The following PVALB variants were observed in gnomAD, a reference collection of about 807,000 sequenced individuals.
PVALB encodes the protein parvalbumin alpha.
Under a neutral mutation model 10.9 loss-of-function variants are expected in PVALB, and 11 were observed. The ratio of observed to expected loss-of-function variants is 1.01; its 90% confidence interval spans 0.63 to 1.67. The LOEUF is 1.67. Among genes scored for constraint, PVALB ranks in the 40% most tolerant of loss-of-function variants. The pLI, the probability that PVALB is intolerant of heterozygous loss-of-function variation, is 0.00. For synonymous variants in PVALB, 57 were observed against 50.7 expected (o/e 1.12, Z -0.53); for missense variants, 131 against 136.2 (o/e 0.96, Z 0.19).
chr22:36,817,111 A>G, upstream of PVALB: 2 of 1,101,116 alleles, frequency 1.8e-6, no homozygotes, highest in Non-Finnish European at 2.5e-6. Context: ...CGCCGGGCGC[A>G]CGCCCGCCGG....
chr22:36,814,958 G>A (rs1048173127), intron 2 of PVALB, 145 bp downstream of exon 2: 21 of 1,095,168 alleles, frequency 1.9e-5, no homozygotes, highest in South Asian at 8.3e-5. Flanking sequence ...GCCCTGGGTC[G>A]GAGCCCTGCC....
rs551071399 is a variant in PVALB at position 36,814,723 on chromosome 22, G to A, written c.194+380C>T. On this transcript the variant is annotated intron_variant, in intron 2 of 3. Transcript: ENST00000417718. ...TGGGGGCTGCAGGAAGGTGGAAAGTGTCTTTTAGACAAATGAAAATCAATG... is the reference window on the plus strand; with the variant it reads ...TGGGGGCTGCAGGAAGGTGGAAAGTATCTTTTAGACAAATGAAAATCAATG... Among the ~76,000 whole-genome samples the A allele has an allele frequency of 3.4e-4, 52 of 152,266 alleles. 1 individual carries two copies. The Middle Eastern group carries it at 0.01, about 30-fold the overall frequency.
At position 36,800,716 on chromosome 22, in the gene PVALB, C is replaced by G; in HGVS notation, c.*174G>C. Reference sequence around the variant, plus strand: ...GCAAGCAGAGTCTGACTGGTACAACCTTTATTGCTTCTCCAGCATTTTCCA... The same window carrying G: ...GCAAGCAGAGTCTGACTGGTACAACGTTTATTGCTTCTCCAGCATTTTCCA... On this transcript the variant is annotated 3_prime_UTR_variant, in exon 4 of 4. Coordinates refer to ENST00000417718, the MANE Select transcript of PVALB (RefSeq NM_001315532.2). The G allele has an allele frequency of 1.3e-6, 1 of 750,610 alleles. No individual in the cohort carries two copies. Among genetic ancestry groups the G allele is most frequent in the Non-Finnish European group, 2.3e-6 (1 of 435,896 alleles). 46.5% of individuals were successfully genotyped at this position (750,610 alleles called of 1,614,324 possible).
chr22:36,806,351 AG>A (rs935902306), intron 3 of PVALB, among the ~76,000 whole-genome samples: 14 of 152,182 alleles, frequency 9.2e-5, no homozygotes, highest in African/African-American at 3.4e-4. Flanking sequence ...GGAGGATCAG[AG>A]GACTAGAGGA....
intron 3 of PVALB, among the ~76,000 whole-genome samples, chr22:36,807,801 C>A (rs959026067): frequency 6.6e-6 from 1 of 152,194 alleles, no homozygotes; most frequent in Non-Finnish European, 1.5e-5. Context: ...TACGCTACCA[C>A]TCCGCCTCTC....
intron 3 of PVALB, among the ~76,000 whole-genome samples, chr22:36,808,345 G>A (rs1013078885): frequency 2.0e-5 from 3 of 151,988 alleles, no homozygotes; most frequent in Non-Finnish European, 2.9e-5. Context: ...CACACTCTGC[G>A]GGGGCAGGCA....
intron 3 of PVALB, among the ~76,000 whole-genome samples, chr22:36,801,632 T>G (rs1025640828): frequency 7.9e-5 from 12 of 152,146 alleles, no homozygotes; most frequent in African/African-American, 2.4e-4. Context: ...AAACCCTGTA[T>G]CTACTGAAAA....
intron 3 of PVALB, among the ~76,000 whole-genome samples, chr22:36,813,011 AG>A (rs1375832581): frequency 6.6e-6 from 1 of 152,362 alleles, no homozygotes; most frequent in African/African-American, 2.4e-5. Context: ...AAGCCTGCAA[AG>A]CAAGGCAGGG....
chr22:36,806,555 A>ACCGGGATGAAGGAG (rs1204210852), intron 3 of PVALB, among the ~76,000 whole-genome samples: 1 of 152,070 alleles, frequency 6.6e-6, no homozygotes. Flanking sequence ...TGTCGTGATG[A>ACCGGGATGAAGGAG]CCGGGATGAA....
intron 3 of PVALB, among the ~76,000 whole-genome samples, chr22:36,810,669 T>C (rs1250893419): frequency 6.6e-6 from 1 of 152,248 alleles, no homozygotes; most frequent in Non-Finnish European, 1.5e-5. Flanking sequence ...TTATGTCCTC[T>C]GTTGTCCCAA....
At chr22:36,800,940 A>C in intron 3 of PVALB, 22 bp from the exon 4 acceptor site, 1 of 1,605,336 alleles carries the variant, frequency 6.2e-7, no homozygotes, top group Non-Finnish European at 8.5e-7. Flanking sequence ...AATGACAAGG[A>C]AAGTGAGTCA....
At position 36,816,854 on chromosome 22, in the gene PVALB, G is replaced by T. The variant is rs572691509; in HGVS notation, c.61+91C>A. On this transcript the variant is annotated intron_variant, in intron 1 of 3. Transcript: ENST00000417718. The stretch of plus-strand genomic sequence containing the variant: ...GGAAGTGTGGGCAGAAGCGCGCTGG[G>T]GAGGATCCGCCGGCTGCGGGGCCGG... 1.5e-5 allele frequency: 18 copies of T among 1,180,534 alleles called. No homozygotes were observed. The African/African-American group carries it at 2.9e-4, about 19-fold the overall frequency. 73.1% of individuals were successfully genotyped at this position (1,180,534 alleles called of 1,614,324 possible). A position where few individuals can be genotyped will look rare whatever the true frequency, so the allele number is the denominator to read the frequency against.
intron 3 of PVALB, chr22:36,813,431 T>G: frequency 5.6e-6 from 3 of 537,286 alleles, no homozygotes; most frequent in South Asian, 5.8e-5. Flanking sequence ...ATCTATTCCT[T>G]TTAGGTTTTC....
At chr22:36,805,395 C>A (rs1015418409) in intron 3 of PVALB, among the ~76,000 whole-genome samples, 4 of 152,202 alleles carry the variant, frequency 2.6e-5, no homozygotes, top group Non-Finnish European at 5.9e-5. Context: ...TTCTGTACTT[C>A]AAGCCACTTT....
upstream of PVALB, chr22:36,818,461 C>T (rs1939185295): frequency 6.5e-6 from 1 of 152,814 alleles, no homozygotes; most frequent in African/African-American, 2.4e-5. Context: ...TGTGAGTCAG[C>T]TCCTTCAAGC....
chr22:36,803,543 G>C (rs1938902605), intron 3 of PVALB, among the ~76,000 whole-genome samples: 1 of 148,034 alleles, frequency 6.8e-6, no homozygotes, highest in Non-Finnish European at 1.5e-5. Context: ...GGGAGGGATA[G>C]AGGGATGGAT....
intron 3 of PVALB, among the ~76,000 whole-genome samples, chr22:36,804,494 G>A (rs961185959): frequency 6.6e-6 from 1 of 152,228 alleles, no homozygotes; most frequent in African/African-American, 2.4e-5. Flanking sequence ...TTCAATAGGG[G>A]ACTTTGTAGA....
chr22:36,813,672 T>A lies in PVALB; in HGVS notation c.278A>T (p.Asp93Val), dbSNP rs768598789. The A allele has an allele frequency of 1.9e-6, 3 of 1,614,026 alleles. No homozygotes were observed. Among genetic ancestry groups the A allele is most frequent in the Non-Finnish European group, 2.5e-6 (3 of 1,179,960 alleles). ...GTCAACCCCAATTTTGCCGTCCCCATCTTTGTCTCCAGCAGCCATCAGCAT... is the reference window on the plus strand; with the variant it reads ...GTCAACCCCAATTTTGCCGTCCCCAACTTTGTCTCCAGCAGCCATCAGCAT... ...TKMLMAAGDK[D>V]GDGKIGVDEF... is the part of the protein sequence containing the mutation. The change falls in exon 3 of 4, where the codon GAT becomes GTT. Residue 93 changes from aspartate to valine, a missense_variant. Coordinates refer to ENST00000417718, the MANE Select transcript of PVALB (RefSeq NM_001315532.2).
In PVALB at chr22:36,804,944, GAACA is replaced by G. The variant is rs796769553; in HGVS notation, c.305-4030_305-4027del. The stretch of plus-strand genomic sequence containing the variant: ...GCAAGACTCTGTCTCAAAAACAAAC[GAACA>G]AACAAACAAACAAACAAAGACTACA... On this transcript the variant is annotated intron_variant, in intron 3 of 3. Coordinates refer to ENST00000417718, the MANE Select transcript of PVALB (RefSeq NM_001315532.2). Among the ~76,000 whole-genome samples the G allele has an allele frequency of 1.5e-3, 221 of 151,992 alleles. 1 individual carries two copies. The highest frequency in any genetic ancestry group is 4.3e-3 in the African/African-American group (178 of 41,424).
Sources: gnomAD v4.1 joint callset for allele counts (sites outside exome capture counted in the v4.1 genomes callset) on GRCh38, gnomAD v4.1.1 for gene constraint, MANE v1.5 for transcripts, NCBI Gene and HGNC (gene_info 2026-07-23, HGNC 2026-07-21) for gene names.